Variants in NPAS3 observed in about 807,000 individuals in gnomAD.
NPAS3 encodes neuronal PAS domain protein 3, also known as neuronal PAS domain-containing protein 3.
NPAS3 carries 14 observed loss-of-function variants against 73.1 expected under a neutral mutation model. The observed-to-expected ratio is 0.19, with a 90% CI of 0.13 to 0.30. The LOEUF (loss-of-function observed/expected upper bound fraction) is 0.30. NPAS3 is among the 10% of genes least tolerant of loss of function. The pLI, the probability that NPAS3 is intolerant of heterozygous loss-of-function variation, is 1.00. For missense variants in NPAS3, 1,096 were observed against 1,250.0 expected (o/e 0.88, Z 1.86); for synonymous variants, 620 against 541.5 (o/e 1.14, Z -2.01).
intron 3 of NPAS3, among the ~76,000 whole-genome samples, chr14:33,349,436 A>G (rs1196189517): frequency 1.3e-5 from 2 of 152,206 alleles, no homozygotes; most frequent in Non-Finnish European, 2.9e-5. Flanking sequence ...TTTATTTAAC[A>G]AATTAACTAG....
At chr14:32,999,458 C>T (rs1450983119) in intron 1 of NPAS3, among the ~76,000 whole-genome samples, 2 of 151,564 alleles carry the variant, frequency 1.3e-5, no homozygotes, top group Non-Finnish European at 2.9e-5. Context: ...TTGCAGTGAG[C>T]AGAGATCACA....
chr14:33,359,309 T>G (rs1383549670), intron 3 of NPAS3, among the ~76,000 whole-genome samples: 2 of 152,196 alleles, frequency 1.3e-5, no homozygotes, highest in African/African-American at 4.8e-5. Context: ...AGACTGGAAG[T>G]AATAAGGTTG....
chr14:33,506,153 A>T (rs1053337522), intron 4 of NPAS3, among the ~76,000 whole-genome samples: 4 of 151,922 alleles, frequency 2.6e-5, no homozygotes, highest in Non-Finnish European at 5.9e-5. Context: ...AATACTATAC[A>T]TTTATTTACT....
chr14:33,192,135 AC>A (rs2046192719), intron 2 of NPAS3, among the ~76,000 whole-genome samples: 1 of 152,190 alleles, frequency 6.6e-6, no homozygotes, highest in African/African-American at 2.4e-5. Context: ...CTCTGAAGTG[AC>A]TAGGAGACCT....
intron 2 of NPAS3, among the ~76,000 whole-genome samples, chr14:33,061,389 A>G (rs140322556): frequency 6.1e-4 from 93 of 152,364 alleles, no homozygotes; most frequent in African/African-American, 2.1e-3. Context: ...ACCTTCATAA[A>G]GAGCTCTAAT....
chr14:33,497,393 C>A (rs552590020), intron 4 of NPAS3, among the ~76,000 whole-genome samples: 4 of 152,102 alleles, frequency 2.6e-5, no homozygotes, highest in African/African-American at 9.7e-5. Flanking sequence ...ATAGCTAAGA[C>A]AATCCTAAGC....
chr14:33,543,995 A>ATATATC (rs2054656931), intron 4 of NPAS3, among the ~76,000 whole-genome samples: 2 of 121,414 alleles, frequency 1.6e-5, no homozygotes. Flanking sequence ...ATATATATAT[A>ATATATC]TATATATCTA....
At chr14:33,587,304 CA>C (rs75003559) in intron 5 of NPAS3, among the ~76,000 whole-genome samples, 7,897 of 151,782 alleles carry the variant, frequency 0.052, 271 homozygotes, top group South Asian at 0.12. Flanking sequence ...TTACCCATGA[CA>C]AAAAAAACTA....
intron 4 of NPAS3, among the ~76,000 whole-genome samples, chr14:33,375,265 T>G (rs2046264383): frequency 6.6e-6 from 1 of 152,106 alleles, no homozygotes; most frequent in Non-Finnish European, 1.5e-5. Context: ...AGAGAGAAAG[T>G]TAGTGAATAT....
chr14:33,419,476 T>C (rs1297486864), intron 4 of NPAS3, among the ~76,000 whole-genome samples: 56 of 151,874 alleles, frequency 3.7e-4, no homozygotes. Flanking sequence ...TGAAAATATC[T>C]TTATGTAGTT....
chr14:32,966,702 G>A (rs59479272), intron 1 of NPAS3, among the ~76,000 whole-genome samples: 47,557 of 129,700 alleles, frequency 0.37, 9,159 homozygotes, highest in East Asian at 0.88. Flanking sequence ...CCCGGGAAGC[G>A]GAGCTTGCAG....
At chr14:33,344,032 G>A (rs148665119) in intron 3 of NPAS3, among the ~76,000 whole-genome samples, 24 of 152,290 alleles carry the variant, frequency 1.6e-4, no homozygotes, top group South Asian at 4.1e-4. Flanking sequence ...GTGTTGTGAC[G>A]CAGAACTGGG....
chr14:33,473,284 C>T (rs371820572), intron 4 of NPAS3, among the ~76,000 whole-genome samples: 1 of 152,156 alleles, frequency 6.6e-6, no homozygotes, highest in Admixed American at 6.5e-5. Flanking sequence ...CTCAGACCTC[C>T]TGAGTCTAAA....
intron 4 of NPAS3, among the ~76,000 whole-genome samples, chr14:33,470,499 T>G (rs1289125536): frequency 1.3e-5 from 2 of 152,186 alleles, no homozygotes; most frequent in Admixed American, 1.3e-4. Flanking sequence ...CAAGTTTTGC[T>G]GGAAACCAAA....
intron 1 of NPAS3, among the ~76,000 whole-genome samples, chr14:32,968,033 T>C (rs923296287): frequency 4.6e-5 from 7 of 152,048 alleles, no homozygotes; most frequent in Non-Finnish European, 8.8e-5. Context: ...TCTAAGAAAG[T>C]TGACCTCATA....
intron 5 of NPAS3, among the ~76,000 whole-genome samples, chr14:33,656,963 C>T (rs985985204): frequency 6.6e-6 from 1 of 152,226 alleles, no homozygotes; most frequent in Non-Finnish European, 1.5e-5. Flanking sequence ...AGCCAAGATA[C>T]GGAATCAACC....
chr14:33,652,215 T>G (rs2059015252), intron 5 of NPAS3, among the ~76,000 whole-genome samples: 1 of 152,220 alleles, frequency 6.6e-6, no homozygotes, highest in Non-Finnish European at 1.5e-5. Context: ...TATTTTGTTG[T>G]AATGGGTGTC....
chr14:33,215,261 T>C (rs750780355), exon 3 of NPAS3: 6 of 1,594,348 alleles, frequency 3.8e-6, no homozygotes, highest in Non-Finnish European at 5.2e-6. Context: ...GTTCTATGAA[T>C]TGGCCAAGTT....
chr14:33,365,619 T>A (rs2045806800), intron 3 of NPAS3, among the ~76,000 whole-genome samples: 1 of 152,208 alleles, frequency 6.6e-6, no homozygotes, highest in South Asian at 2.1e-4. Context: ...TAATGATCAC[T>A]CTTCAATTAT....
Sources: gnomAD v4.1 joint callset for allele counts (sites outside exome capture counted in the v4.1 genomes callset) on GRCh38, gnomAD v4.1.1 for gene constraint, MANE v1.5 for transcripts, NCBI Gene and HGNC (gene_info 2026-07-23, HGNC 2026-07-21) for gene names.